CHLSN: variants seen among roughly 807,000 people sequenced by gnomAD.
CHLSN encodes cholesin, also known as protein cholesin.
the CHLSN span, among the ~76,000 whole-genome samples, chr7:1,016,299 G>C: frequency 2.1e-5 from 1 of 46,804 alleles, no homozygotes; most frequent in Admixed American, 2.6e-4. Flanking sequence ...GTGCACGCCA[G>C]CACATAGCAG....
the CHLSN span, among the ~76,000 whole-genome samples, chr7:1,123,752 C>T: frequency 6.6e-6 from 1 of 152,128 alleles, no homozygotes; most frequent in Non-Finnish European, 1.5e-5. This position sits in a 1 kb window ranked among gnomAD's most constrained non-coding sequence, Gnocchi z 4.4. Context: ...GAAAACCCTC[C>T]CAGTAGCCCG....
the CHLSN span, among the ~76,000 whole-genome samples, chr7:1,062,276 G>C: frequency 6.6e-6 from 1 of 150,532 alleles, no homozygotes; most frequent in East Asian, 2.0e-4. Context: ...GAAGAGATCA[G>C]GAAATCTACA....
the CHLSN span, chr7:1,058,133 G>A: frequency 1.9e-5 from 14 of 751,222 alleles, no homozygotes; most frequent in African/African-American, 6.8e-5. Context: ...CCCTCTACGC[G>A]CTGGTGCTAC....
chr7:1,051,460 C>T, the CHLSN span, among the ~76,000 whole-genome samples: 3 of 152,244 alleles, frequency 2.0e-5, no homozygotes, highest in Middle Eastern at 3.2e-3. Flanking sequence ...ACTCTGAGGC[C>T]AGCCCTGGGC....
the CHLSN span, chr7:984,295 A>G: frequency 1.5e-6 from 2 of 1,350,528 alleles, no homozygotes; most frequent in Non-Finnish European, 2.0e-6. Context: ...TGCCCCCTCC[A>G]CCTGCCCCCA....
the CHLSN span, among the ~76,000 whole-genome samples, chr7:1,085,535 G>A: frequency 8.1e-3 from 1,236 of 152,248 alleles, 14 homozygotes; most frequent in African/African-American, 0.029. Context: ...GATCAAGCAC[G>A]CAGAGCACCG....
chr7:1,016,291 G>A, the CHLSN span, among the ~76,000 whole-genome samples: 1 of 32,834 alleles, frequency 3.0e-5, no homozygotes, highest in Non-Finnish European at 4.6e-5. Flanking sequence ...ACACAGCAGT[G>A]CACGCCAGCA....
chr7:1,089,423 C>A, the CHLSN span, among the ~76,000 whole-genome samples: 1 of 74,922 alleles, frequency 1.3e-5, no homozygotes, highest in East Asian at 2.7e-4. Flanking sequence ...GTGGTGTGAT[C>A]TCGGCTGAGG....
the CHLSN span, among the ~76,000 whole-genome samples, chr7:1,035,693 AC>A: frequency 1.3e-5 from 2 of 152,182 alleles, no homozygotes; most frequent in Admixed American, 6.5e-5. Context: ...GTGGGAAGTG[AC>A]TGCAAAATGG....
chr7:1,037,307 C>T, the CHLSN span, among the ~76,000 whole-genome samples: 1 of 136,212 alleles, frequency 7.3e-6, no homozygotes, highest in African/African-American at 2.6e-5. Flanking sequence ...GATGCGGAGC[C>T]GAAGCTGGAC....
chr7:1,116,441 G>A, the CHLSN span, among the ~76,000 whole-genome samples: 29 of 114,774 alleles, frequency 2.5e-4, no homozygotes, highest in East Asian at 6.4e-3. Flanking sequence ...TTCCATCACC[G>A]ACGTCCACGC....
chr7:986,433 C>A, the CHLSN span: 1 of 645,504 alleles, frequency 1.5e-6, no homozygotes, highest in Non-Finnish European at 2.7e-6. Context: ...TTCCGGGACA[C>A]GGACAGGGGG....
the CHLSN span, among the ~76,000 whole-genome samples, chr7:1,137,154 T>C: frequency 6.6e-6 from 1 of 152,104 alleles, no homozygotes; most frequent in East Asian, 1.9e-4. Flanking sequence ...CACCTCCTCT[T>C]TCTCTCTCTG....
the CHLSN span, among the ~76,000 whole-genome samples, chr7:1,113,253 CAT>C: frequency 6.6e-6 from 1 of 151,658 alleles, no homozygotes; most frequent in Non-Finnish European, 1.5e-5. Flanking sequence ...TTATTTTAAA[CAT>C]AAACTTGCTT....
the CHLSN span, among the ~76,000 whole-genome samples, chr7:1,109,696 G>A: frequency 6.7e-6 from 1 of 150,374 alleles, no homozygotes; most frequent in African/African-American, 2.4e-5. Flanking sequence ...TGGCCAGCAG[G>A]GCCCTTCCCC....
chr7:1,077,182 GTC>G, the CHLSN span, among the ~76,000 whole-genome samples: 2 of 152,114 alleles, frequency 1.3e-5, no homozygotes, highest in African/African-American at 4.8e-5. Flanking sequence ...TTGAGATGGA[GTC>G]TCTCTCTGTC....
the CHLSN span, among the ~76,000 whole-genome samples, chr7:1,032,742 C>T: frequency 6.6e-6 from 1 of 152,248 alleles, no homozygotes; most frequent in South Asian, 2.1e-4. Context: ...CTGTCCATGA[C>T]AGGCAGGGGC....
the CHLSN span, among the ~76,000 whole-genome samples, chr7:1,009,001 GCA>G: frequency 0.11 from 16,811 of 149,450 alleles, 1,232 homozygotes; most frequent in Non-Finnish European, 0.15. Flanking sequence ...ACACATACAC[GCA>G]CACACACACA....
the CHLSN span, among the ~76,000 whole-genome samples, chr7:1,104,583 T>C: frequency 3.3e-5 from 5 of 152,178 alleles, no homozygotes; most frequent in African/African-American, 1.2e-4. Context: ...CCATGCAGCT[T>C]ACGTGGAAAG....
Sources: allele counts gnomAD v4.1 joint callset (sites outside exome capture counted in the v4.1 genomes callset), GRCh38; gene constraint gnomAD v4.1.1; non-coding constraint Gnocchi (gnomAD v3.1); transcripts MANE v1.5; gene names NCBI Gene and HGNC (gene_info 2026-07-23, HGNC 2026-07-21).